The following CREBRF variants were observed in gnomAD, a reference collection of about 807,000 sequenced individuals.
CREBRF encodes UPF0474 protein C5orf41.
A neutral mutation model predicts 66.1 loss-of-function variants in CREBRF; 5 were observed. The ratio of observed to expected loss-of-function variants is 0.08; its 90% CI spans 0.04 to 0.16. CREBRF has a LOEUF of 0.16. Among genes scored for constraint, CREBRF ranks in the 10% least tolerant of loss-of-function variants. CREBRF has a pLI of 1.00. For missense variants in CREBRF, 531 were observed against 744.9 expected (o/e 0.71, Z 3.34); for synonymous variants, 229 against 264.4 (o/e 0.87, Z 1.30).
chr5:173,112,647 AT>A lies in CREBRF; in HGVS notation c.1681+275del, dbSNP rs577462220. ...ACATTGTGACCATGATAATTTGTTT[AT>A]TTTTTTCTATAAAAGATGTGAAAAG... On this transcript the variant is annotated intron_variant, in intron 7 of 8. Coordinates refer to ENST00000296953, the MANE Select transcript of CREBRF (RefSeq NM_153607.3). Among the ~76,000 whole-genome samples the A allele has an allele frequency of 3.2e-3, 490 of 152,228 alleles. 2 individuals are homozygous for A. The highest frequency in any genetic ancestry group is 5.8e-3 in the Non-Finnish European group (397 of 68,006).
intron 4 of CREBRF, among the ~76,000 whole-genome samples, chr5:173,096,542 C>CCCTTT (rs1024243917): frequency 7.1e-6 from 1 of 140,682 alleles, no homozygotes; most frequent in Non-Finnish European, 1.5e-5. Flanking sequence ...CCCTCCCCTT[C>CCCTTT]CCTTTCCTTT....
intron 1 of CREBRF, chr5:173,057,413 C>T (rs941150260): frequency 6.6e-6 from 1 of 152,444 alleles, no homozygotes; most frequent in Non-Finnish European, 1.5e-5. Flanking sequence ...TCCGATCGGA[C>T]CAGGAAGTAG....
intron 7 of CREBRF, among the ~76,000 whole-genome samples, chr5:173,120,975 G>C (rs1272521351): frequency 1.3e-5 from 2 of 152,036 alleles, no homozygotes; most frequent in African/African-American, 2.4e-5. Context: ...TTACAGGCAC[G>C]AGCCACCGCG....
At chr5:173,130,122 C>G (rs1759384088) in intron 8 of CREBRF, among the ~76,000 whole-genome samples, 1 of 152,134 alleles carries the variant, frequency 6.6e-6, no homozygotes, top group Non-Finnish European at 1.5e-5. Flanking sequence ...CACGCTCGGC[C>G]TAGATTTTTT....
At chr5:173,068,475 A>G (rs895762169) in intron 1 of CREBRF, among the ~76,000 whole-genome samples, 11 of 152,224 alleles carry the variant, frequency 7.2e-5, no homozygotes, top group Admixed American at 3.3e-4. Flanking sequence ...TGAAGCCAGT[A>G]TAATGAACTA....
At chr5:173,092,631 AATG>A (rs1758378240) in intron 4 of CREBRF, among the ~76,000 whole-genome samples, 1 of 152,204 alleles carries the variant, frequency 6.6e-6, no homozygotes, top group Non-Finnish European at 1.5e-5. Context: ...CTTTTGTTAT[AATG>A]ATGATTGCTG....
chr5:173,121,569 G>C (rs774391938), intron 7 of CREBRF, among the ~76,000 whole-genome samples: 1 of 152,004 alleles, frequency 6.6e-6, no homozygotes, highest in Non-Finnish European at 1.5e-5. Context: ...TGATCCGCCC[G>C]CCTTGGCCTC....
At chr5:173,121,328 CT>C (rs527876904) in intron 7 of CREBRF, among the ~76,000 whole-genome samples, 130 of 143,416 alleles carry the variant, frequency 9.1e-4, no homozygotes, top group East Asian at 1.8e-3. Context: ...AGTTAACTTG[CT>C]TTTTTTTTTT....
At chr5:173,126,313 G>A (rs1312588072) in intron 8 of CREBRF, among the ~76,000 whole-genome samples, 1 of 152,070 alleles carries the variant, frequency 6.6e-6, no homozygotes, top group Non-Finnish European at 1.5e-5. Context: ...GCTGATTTTT[G>A]TGTTTTTACT....
intron 1 of CREBRF, among the ~76,000 whole-genome samples, chr5:173,063,599 C>G (rs1757347063): frequency 6.6e-6 from 1 of 152,088 alleles, no homozygotes; most frequent in Non-Finnish European, 1.5e-5. Flanking sequence ...GAACTCCTGA[C>G]CTCAGGTGAT....
chr5:173,131,893 C>T lies in CREBRF; in HGVS notation c.1805-1737C>T, dbSNP rs144899146. On this transcript the variant is annotated intron_variant, in intron 8 of 8. Coordinates refer to ENST00000296953, the MANE Select transcript of CREBRF (RefSeq NM_153607.3). The stretch of plus-strand genomic sequence containing the variant: ...CATTACAGGTGCCTGCCACCATGCC[C>T]AGCTAATTTTTGTATTTTTAGTAAA... Among the ~76,000 whole-genome samples the T allele has an allele frequency of 2.6e-5, 4 of 152,086 alleles. No individual in the cohort carries two copies. The East Asian group carries it at 7.7e-4, about 29-fold the overall frequency.
intron 2 of CREBRF, chr5:173,085,413 C>G: frequency 1.4e-6 from 1 of 725,160 alleles, no homozygotes; most frequent in Non-Finnish European, 2.2e-6. Flanking sequence ...CAAATACATT[C>G]TTTTTTTTTT....
rs575012133 is a variant in CREBRF, at chr5:173,113,425, C to CA, written c.1681+1047dup. 5.5e-4 allele frequency among the ~76,000 whole-genome samples: 84 copies of CA among 152,280 alleles called. 1 individual carries two copies. The East Asian group carries it at 8.1e-3, about 15-fold the overall frequency. ...CCAGGTTCAAGCAGTTCTCTTGCCT[C>CA]AGCCTCCTGAATAGCTGGGACTACA... is the stretch of plus-strand genomic sequence containing the variant. On this transcript the variant is annotated intron_variant, in intron 7 of 8. Transcript: ENST00000296953.
At chr5:173,061,432 C>G (rs1400115567) in intron 1 of CREBRF, among the ~76,000 whole-genome samples, 2 of 152,160 alleles carry the variant, frequency 1.3e-5, no homozygotes, top group Admixed American at 6.6e-5. Flanking sequence ...CCTTCGTTTA[C>G]ATATAAATGT....
At position 173,090,686 on chromosome 5, in the gene CREBRF, C is replaced by T. The variant is rs768432803; in HGVS notation, c.507C>T (p.Pro169=). 3 of 1,614,156 alleles carry T rather than the reference C, an allele frequency of 1.9e-6. No homozygotes were observed. The highest frequency in any genetic ancestry group is 2.2e-5 in the South Asian group (2 of 91,060). The part of the protein sequence containing the change: ...SLFSVKQNPL[P]SSFPGKKITS... ...TCAGTGTCAAACAAAATCCCTTACC[C>T]TCTTCATTCCCTGGTAAAAAGATCA... Residue 169 remains proline, a synonymous_variant, in exon 4 of 9, where the codon CCC becomes CCT. Transcript: ENST00000296953. This position sits in a 1 kb window ranked among gnomAD's most constrained non-coding sequence, Gnocchi z 4.5.
chr5:173,123,923 T>G (rs1250297435), intron 8 of CREBRF: 1 of 152,242 alleles, frequency 6.6e-6, no homozygotes, highest in East Asian at 1.9e-4. Flanking sequence ...TGCTTCCATA[T>G]GGATTAATTC....
chr5:173,117,668 CTTTT>C (rs1561814779), intron 7 of CREBRF, among the ~76,000 whole-genome samples: 2 of 123,922 alleles, frequency 1.6e-5, no homozygotes, highest in African/African-American at 5.9e-5. Context: ...CTCTCTCTTT[CTTTT>C]TCTCTCTCTC....
At chr5:173,074,980 GTA>G (rs1223758590) in intron 1 of CREBRF, among the ~76,000 whole-genome samples, 1 of 152,084 alleles carries the variant, frequency 6.6e-6, no homozygotes, top group African/African-American at 2.4e-5. Flanking sequence ...CATTGATCAG[GTA>G]TACAGAGTTT....
chr5:173,096,104 G>C (rs971243991), intron 4 of CREBRF, among the ~76,000 whole-genome samples: 6 of 152,096 alleles, frequency 3.9e-5, no homozygotes, highest in African/African-American at 1.4e-4. Flanking sequence ...GAGTAGCTGG[G>C]ACTACAGGTG....
Sources: allele counts gnomAD v4.1 joint callset (sites outside exome capture counted in the v4.1 genomes callset), GRCh38; gene constraint gnomAD v4.1.1; non-coding constraint Gnocchi (gnomAD v3.1); transcripts MANE v1.5; gene names NCBI Gene and HGNC (gene_info 2026-07-23, HGNC 2026-07-21).